ZNF623: variants seen among roughly 807,000 people sequenced by gnomAD.
The protein encoded by ZNF623 is zinc finger protein 623.
A neutral mutation model predicts 24.0 loss-of-function variants in ZNF623; 16 were observed. The ratio of observed to expected loss-of-function variants is 0.67; its 90% CI spans 0.45 to 1.01. The LOEUF (loss-of-function observed/expected upper bound fraction) is 1.01. ZNF623 is among the 50% of genes least tolerant of loss of function. The probability of loss-of-function intolerance (pLI) is 0.00; values close to 1 mark genes in which losing one functional copy is unlikely to be tolerated. For missense variants in ZNF623, 566 were observed against 606.5 expected (o/e 0.93, Z 0.70); for synonymous variants, 224 against 219.8 (o/e 1.02, Z -0.17).
At chr8:143,638,356 ACTTTCTC>A (rs1215811633) in intron 1 of ZNF623, among the ~76,000 whole-genome samples, 74 of 149,742 alleles carry the variant, frequency 4.9e-4, no homozygotes, top group African/African-American at 1.8e-3. Flanking sequence ...AAAAAAAAAA[ACTTTCTC>A]AAAAGTTAAA....
intron 1 of ZNF623, among the ~76,000 whole-genome samples, chr8:143,643,526 C>T (rs578140813): frequency 6.6e-6 from 1 of 152,322 alleles, no homozygotes; most frequent in African/African-American, 2.4e-5. Context: ...GCATTGCCCT[C>T]CACAGCGGGG....
At chr8:143,637,359 C>A (rs1814948263) in intron 1 of ZNF623, among the ~76,000 whole-genome samples, 1 of 152,112 alleles carries the variant, frequency 6.6e-6, no homozygotes, top group Non-Finnish European at 1.5e-5. Context: ...TTAATTTCTT[C>A]AGGCTGTAAG....
intron 1 of ZNF623, among the ~76,000 whole-genome samples, chr8:143,642,692 G>T (rs1489691519): frequency 6.6e-6 from 1 of 152,184 alleles, no homozygotes; most frequent in African/African-American, 2.4e-5. Context: ...CAGGGAAGGG[G>T]GAGGCTGGAG....
At chr8:143,648,915 G>A (rs1815230238) in intron 1 of ZNF623, among the ~76,000 whole-genome samples, 2 of 151,996 alleles carry the variant, frequency 1.3e-5, no homozygotes, top group South Asian at 4.1e-4. Flanking sequence ...GGTCCTGTGG[G>A]GAGTGGGAAG....
chr8:143,641,832 C>G (rs1053257304), intron 1 of ZNF623, among the ~76,000 whole-genome samples: 3 of 152,220 alleles, frequency 2.0e-5, no homozygotes, highest in Non-Finnish European at 4.4e-5. Context: ...TTAAAATACT[C>G]CATAAACCAT....
At chr8:143,640,941 TAA>T (rs57279986) in intron 1 of ZNF623, among the ~76,000 whole-genome samples, 53,462 of 65,292 alleles carry the variant, frequency 0.82, 23,357 homozygotes, top group Non-Finnish European at 0.94. Flanking sequence ...ACTCTGTCTT[TAA>T]AAAAAAAAAA....
At chr8:143,648,131 G>GTTCAGCA (rs1303191089) in intron 1 of ZNF623, among the ~76,000 whole-genome samples, 1 of 152,160 alleles carries the variant, frequency 6.6e-6, no homozygotes, top group East Asian at 1.9e-4. Flanking sequence ...GCATGTGAGT[G>GTTCAGCA]TTCAGCATAG....
At chr8:143,639,250 T>C (rs1814994402) in intron 1 of ZNF623, among the ~76,000 whole-genome samples, 1 of 151,858 alleles carries the variant, frequency 6.6e-6, no homozygotes, top group South Asian at 2.1e-4. Flanking sequence ...GGAGTTTCGC[T>C]CTTGTTGCCC....
intron 1 of ZNF623, chr8:143,649,641 A>G (rs993898765): frequency 1.2e-5 from 6 of 507,716 alleles, no homozygotes; most frequent in African/African-American, 1.2e-4. Context: ...GGATTCACTA[A>G]TGGTCAGAGG....
intron 1 of ZNF623, among the ~76,000 whole-genome samples, chr8:143,643,780 G>A (rs898095239): frequency 3.3e-5 from 5 of 152,194 alleles, no homozygotes; most frequent in East Asian, 1.9e-4. Context: ...TCAGCACTTC[G>A]TCTGTTGTGA....
rs1815318328 is a variant in ZNF623, at chr8:143,651,465, A to G, written c.1473A>G (p.Glu491=). Residue 491 remains glutamate (E), a synonymous_variant, in exon 2 of 2, where the codon GAA becomes GAG. Transcript: ENST00000526926. ...HLGERSVDKG[E]HTGNL ...GTGAGAGGTCTGTAGATAAGGGGGA[A>G]CACACAGGTAACTTATAAAATAATT... is the stretch of plus-strand genomic sequence containing the variant. The G allele has an allele frequency of 3.2e-6, 5 of 1,575,120 alleles. No individual in the cohort carries two copies. Among genetic ancestry groups the G allele is most frequent in the Non-Finnish European group, 4.3e-6 (5 of 1,164,922 alleles).
intron 1 of ZNF623, chr8:143,649,534 G>C (rs971353277): frequency 3.9e-6 from 1 of 257,434 alleles, no homozygotes; most frequent in African/African-American, 2.2e-5. Context: ...ACAGTGAAGA[G>C]GTGGCAGGGC....
intron 1 of ZNF623, 131 bp from the exon 2 acceptor site, chr8:143,649,767 C>T: frequency 8.7e-7 from 1 of 1,148,430 alleles, no homozygotes; most frequent in Non-Finnish European, 1.2e-6. Flanking sequence ...TGGGTAGCAG[C>T]ATGTTGGGTC....
At chr8:143,647,124 G>C (rs562521273) in intron 1 of ZNF623, among the ~76,000 whole-genome samples, 1 of 151,862 alleles carries the variant, frequency 6.6e-6, no homozygotes, top group South Asian at 2.1e-4. Context: ...GAGAGGGCAT[G>C]CTGAGGGTGG....
intron 1 of ZNF623, among the ~76,000 whole-genome samples, chr8:143,642,525 A>G (rs930722284): frequency 1.3e-5 from 2 of 152,166 alleles, no homozygotes; most frequent in African/African-American, 4.8e-5. Context: ...GTTTGATGCA[A>G]GAGGCCCGGC....
chr8:143,646,529 T>C (rs545701809), intron 1 of ZNF623, among the ~76,000 whole-genome samples: 1 of 144,052 alleles, frequency 6.9e-6, no homozygotes, highest in East Asian at 2.1e-4. Context: ...CATAGTTTGT[T>C]GCCTGTGGGG....
chr8:143,637,512 C>T (rs911597370), intron 1 of ZNF623, among the ~76,000 whole-genome samples: 1 of 151,954 alleles, frequency 6.6e-6, no homozygotes, highest in East Asian at 1.9e-4. Context: ...TACACAACAT[C>T]TGCTGTTGAG....
chr8:143,647,970 T>C (rs923923444), intron 1 of ZNF623, among the ~76,000 whole-genome samples: 1 of 151,940 alleles, frequency 6.6e-6, no homozygotes, highest in African/African-American at 2.4e-5. Context: ...CCTGAACAAA[T>C]GAGATAATGG....
intron 1 of ZNF623, among the ~76,000 whole-genome samples, chr8:143,644,654 C>T (rs1462219770): frequency 1.3e-5 from 2 of 151,938 alleles, no homozygotes; most frequent in Non-Finnish European, 2.9e-5. Flanking sequence ...CTTTGGGAGG[C>T]CAAGGTGGCT....
Sources: gnomAD v4.1 joint callset for allele counts (sites outside exome capture counted in the v4.1 genomes callset) on GRCh38, gnomAD v4.1.1 for gene constraint, MANE v1.5 for transcripts, NCBI Gene and HGNC (gene_info 2026-07-23, HGNC 2026-07-21) for gene names.